Variants in ANK2 observed in about 807,000 individuals in gnomAD.
ANK2 encodes the protein ankyrin-2.
In ANK2, 83 loss-of-function variants were observed where a neutral mutation model predicts 360.5. The ratio of observed to expected loss-of-function variants is 0.23; its 90% CI spans 0.19 to 0.28. ANK2 has a LOEUF of 0.28. Ranked by LOEUF, ANK2 falls within the 10% of genes least tolerant of loss-of-function variation. The pLI is 1.00. For synonymous variants in ANK2, 1,740 were observed against 1,759.5 expected (o/e 0.99, Z 0.28); for missense variants, 4,201 against 4,795.7 (o/e 0.88, Z 3.66).
the ANK2 span, among the ~76,000 whole-genome samples, chr4:112,812,530 A>G: frequency 1.3e-5 from 2 of 152,180 alleles, no homozygotes; most frequent in Non-Finnish European, 2.9e-5. Context: ...CCATTCCTCA[A>G]TGTTCCAGTT....
intron 1 of ANK2, among the ~76,000 whole-genome samples, chr4:113,167,594 CCGGCCA>C (rs1179996943): frequency 2.0e-4 from 31 of 152,094 alleles, no homozygotes; most frequent in Non-Finnish European, 3.5e-4. Flanking sequence ...GCCACTGCGC[CCGGCCA>C]GGTCACCATC....
chr4:112,984,496 C>T (rs2044192962), intron 2 of ANK2, among the ~76,000 whole-genome samples: 1 of 152,106 alleles, frequency 6.6e-6, no homozygotes, highest in Non-Finnish European at 1.5e-5. Flanking sequence ...TGGGAAAGAC[C>T]TGCCCCCATG....
chr4:112,757,517 ATTAAT>A, the ANK2 span, among the ~76,000 whole-genome samples: 1 of 152,230 alleles, frequency 6.6e-6, no homozygotes, highest in South Asian at 2.1e-4. Flanking sequence ...TTTTACACAC[ATTAAT>A]TTATTTGATC....
chr4:112,977,543 A>T (rs868201928), intron 2 of ANK2, among the ~76,000 whole-genome samples: 105 of 150,620 alleles, frequency 7.0e-4, no homozygotes, highest in Middle Eastern at 6.8e-3. Flanking sequence ...TAAATAAATT[A>T]AAAAAAATTT....
At chr4:113,270,564 G>A (rs2058116066) in intron 14 of ANK2, among the ~76,000 whole-genome samples, 1 of 152,002 alleles carries the variant, frequency 6.6e-6, no homozygotes, top group African/African-American at 2.4e-5. Context: ...AATTTCAGAT[G>A]TTATCTTTTG....
At chr4:113,208,406 G>A (rs541058554) in intron 4 of ANK2, among the ~76,000 whole-genome samples, 7 of 152,120 alleles carry the variant, frequency 4.6e-5, no homozygotes, top group Non-Finnish European at 7.4e-5. Flanking sequence ...AGAGGAAGAC[G>A]ATAGTGTCAA....
At chr4:113,071,913 A>G (rs1313822714) in intron 1 of ANK2, 1 of 152,310 alleles carries the variant, frequency 6.6e-6, no homozygotes, top group African/African-American at 2.4e-5. Context: ...CCTTCTTCAC[A>G]TGGCAGCAGG....
the ANK2 span, among the ~76,000 whole-genome samples, chr4:112,796,655 CTTTTT>C: frequency 7.4e-6 from 1 of 135,670 alleles, no homozygotes; most frequent in Non-Finnish European, 1.6e-5. Context: ...TGGCCACCTT[CTTTTT>C]TTTTTTTTTT....
chr4:112,729,062 C>G, the ANK2 span, among the ~76,000 whole-genome samples: 1 of 151,940 alleles, frequency 6.6e-6, no homozygotes, highest in South Asian at 2.1e-4. Context: ...TAAAAATTAG[C>G]CAGGCATGGT....
intron 1 of ANK2, among the ~76,000 whole-genome samples, chr4:112,831,486 C>G (rs1483545724): frequency 6.6e-6 from 1 of 152,164 alleles, no homozygotes; most frequent in Non-Finnish European, 1.5e-5. Flanking sequence ...TGTAAACACA[C>G]CAATCAGCAC....
rs2054321292 is a variant in ANK2, at chr4:113,010,389, A to G, written c.21+105875A>G. 2.6e-5 allele frequency among the ~76,000 whole-genome samples: 4 copies of G among 152,278 alleles called. No homozygotes were observed. In the South Asian group the frequency reaches 8.3e-4, roughly 32 times the overall value. On this transcript the variant is annotated intron_variant, in intron 2 of 30. Coordinates refer to the ANK2 transcript ENST00000503271. The stretch of plus-strand genomic sequence containing the variant: ...TATTGGATTAAAAATATTTTAATGT[A>G]TGTATGTTTTAAAAACCTCATTTGT...
At chr4:113,179,571 T>A (rs560294746) in intron 2 of ANK2, among the ~76,000 whole-genome samples, 16 of 152,346 alleles carry the variant, frequency 1.1e-4, no homozygotes, top group African/African-American at 3.6e-4. Context: ...AAATGATTAC[T>A]AATATGGTTA....
At chr4:113,074,120 C>G (rs576751451) in intron 1 of ANK2, among the ~76,000 whole-genome samples, 1 of 152,286 alleles carries the variant, frequency 6.6e-6, no homozygotes, top group Admixed American at 6.5e-5. Flanking sequence ...GGTAATATAT[C>G]TGTAGAGAAT....
At chr4:112,796,423 C>CA in the ANK2 span, among the ~76,000 whole-genome samples, 16 of 146,698 alleles carry the variant, frequency 1.1e-4, no homozygotes, top group East Asian at 1.8e-3. Flanking sequence ...AACTCCGTCT[C>CA]AAAAAAAAAT....
At chr4:113,238,448 A>T (rs1006963562) in intron 7 of ANK2, among the ~76,000 whole-genome samples, 1 of 152,130 alleles carries the variant, frequency 6.6e-6, no homozygotes, top group African/African-American at 2.4e-5. Context: ...CTCACAGGGT[A>T]TACTTGAATT....
chr4:112,775,515 T>TCGCACACACACACACACA, the ANK2 span, among the ~76,000 whole-genome samples: 97 of 118,156 alleles, frequency 8.2e-4, no homozygotes, highest in Admixed American at 1.2e-3. Flanking sequence ...CTAAGCTCCA[T>TCGCACACACACACACACA]CACACACACA....
chr4:113,007,898 T>C (rs1413258342), intron 2 of ANK2, among the ~76,000 whole-genome samples: 1 of 152,098 alleles, frequency 6.6e-6, no homozygotes, highest in Non-Finnish European at 1.5e-5. Flanking sequence ...AAAGATGCAA[T>C]ATACATAAAT....
At chr4:113,240,406 T>G in intron 7 of ANK2, 79 bp from the exon 8 acceptor site, 1 of 1,063,332 alleles carries the variant, frequency 9.4e-7, no homozygotes. Context: ...TTTTACCATG[T>G]GACCTTCTTC....
chr4:113,256,093 C>G (rs924420850), intron 11 of ANK2, among the ~76,000 whole-genome samples, 161 bp downstream of exon 11: 2 of 152,226 alleles, frequency 1.3e-5, no homozygotes, highest in African/African-American at 4.8e-5. Flanking sequence ...TTCATACATT[C>G]ATAGTTTGTT....
Sources: allele counts gnomAD v4.1 joint callset (sites outside exome capture counted in the v4.1 genomes callset), GRCh38; gene constraint gnomAD v4.1.1; transcripts MANE v1.5; gene names NCBI Gene and HGNC (gene_info 2026-07-23, HGNC 2026-07-21).